Variants in DGKB observed in about 807,000 individuals in gnomAD.
DGKB encodes diacylglycerol kinase beta.
A neutral mutation model predicts 114.3 loss-of-function variants in DGKB; 67 were observed. That is an observed-to-expected ratio of 0.59 (90% CI 0.48 to 0.72). The LOEUF is 0.72. DGKB is among the 30% of genes least tolerant of loss of function. DGKB has a pLI of 0.00. For missense variants in DGKB, 907 were observed against 975.2 expected, an observed-to-expected ratio of 0.93 and a Z score of 0.93; for synonymous variants, 398 against 323.1, an observed-to-expected ratio of 1.23 and a Z score of -2.49.
intron 21 of DGKB, among the ~76,000 whole-genome samples, chr7:14,410,229 TAC>T (rs779358187): frequency 1.1e-3 from 163 of 151,538 alleles, no homozygotes; most frequent in Non-Finnish European, 2.0e-3. Context: ...TATATACATA[TAC>T]ATGCACACAT....
At chr7:14,257,002 AAAAC>A (rs1796051814) in intron 23 of DGKB, among the ~76,000 whole-genome samples, 1 of 152,194 alleles carries the variant, frequency 6.6e-6, no homozygotes, top group East Asian at 1.9e-4. Flanking sequence ...CCTATCTCTA[AAAAC>A]AAACAAAATC....
chr7:14,270,764 C>A (rs1242794740), intron 23 of DGKB, among the ~76,000 whole-genome samples: 1 of 152,146 alleles, frequency 6.6e-6, no homozygotes, highest in Non-Finnish European at 1.5e-5. Context: ...GCCTGTGAAG[C>A]CCTGTGCTGG....
At position 14,646,014 on chromosome 7, in the gene DGKB, G is replaced by A. The variant is rs76636870; in HGVS notation, c.1135-15746C>T. ...GAAAACAAATACCAATGGGTAGTTA[G>A]TCTTCACCTATCAACAACTATGAAG... On this transcript the variant is annotated intron_variant, in intron 13 of 25. Transcript: ENST00000402815. Among the ~76,000 whole-genome samples the A allele has an allele frequency of 1.1e-3, 165 of 152,286 alleles. 2 individuals carry two copies. The East Asian group carries it at 0.016, about 15-fold the overall frequency.
intron 1 of DGKB, among the ~76,000 whole-genome samples, chr7:14,896,553 T>C (rs1782131350): frequency 6.6e-6 from 1 of 151,668 alleles, no homozygotes; most frequent in Non-Finnish European, 1.5e-5. Context: ...TGATACTTTT[T>C]CTCTGAGACA....
intron 2 of DGKB, among the ~76,000 whole-genome samples, chr7:14,829,562 C>T (rs1846135844): frequency 6.6e-6 from 1 of 152,040 alleles, no homozygotes; most frequent in South Asian, 2.1e-4. Context: ...TCTAGGACAC[C>T]TGGAGTTTTA....
At chr7:14,493,973 C>T (rs1784954543) in intron 20 of DGKB, among the ~76,000 whole-genome samples, 1 of 149,202 alleles carries the variant, frequency 6.7e-6, no homozygotes, top group South Asian at 2.1e-4. Flanking sequence ...TCTATGTACA[C>T]ATCATAGCAA....
chr7:14,955,283 A>C (rs992605830), intron 1 of DGKB, among the ~76,000 whole-genome samples: 1 of 152,084 alleles, frequency 6.6e-6, no homozygotes, highest in Non-Finnish European at 1.5e-5. Context: ...AAGAAATAAA[A>C]TGTGTGTGAA....
intron 21 of DGKB, among the ~76,000 whole-genome samples, chr7:14,442,871 A>G (rs1830257719): frequency 6.6e-6 from 1 of 152,102 alleles, no homozygotes; most frequent in Non-Finnish European, 1.5e-5. Flanking sequence ...TTTTAAATCT[A>G]TAATGTACAT....
At chr7:14,181,189 C>T (rs1046189730) in intron 23 of DGKB, among the ~76,000 whole-genome samples, 7 of 152,154 alleles carry the variant, frequency 4.6e-5, no homozygotes, top group Admixed American at 1.3e-4. Flanking sequence ...TTTTGTACTA[C>T]AGAGGCACAG....
chr7:14,571,996 C>T (rs186641413), intron 20 of DGKB, among the ~76,000 whole-genome samples: 114 of 152,050 alleles, frequency 7.5e-4, no homozygotes, highest in Non-Finnish European at 3.4e-4. Context: ...CAACAAAAAA[C>T]GAGGAGATAT....
intron 9 of DGKB, among the ~76,000 whole-genome samples, chr7:14,690,752 G>C (rs139744451): frequency 1.3e-4 from 20 of 152,328 alleles, no homozygotes; most frequent in African/African-American, 4.8e-4. Context: ...CACTGGAACA[G>C]AGTTTACCTC....
At chr7:14,842,298 T>C (rs79363645) in intron 1 of DGKB, among the ~76,000 whole-genome samples, 8,104 of 152,282 alleles carry the variant, frequency 0.053, 272 homozygotes, top group Non-Finnish European at 0.078. Context: ...GTGCCTTGCC[T>C]TTCTTCAACA....
chr7:14,183,150 G>A (rs769096004), intron 23 of DGKB, among the ~76,000 whole-genome samples: 39 of 152,216 alleles, frequency 2.6e-4, no homozygotes, highest in Admixed American at 4.6e-4. Flanking sequence ...TTCCAGTGAT[G>A]TTTCATTTAT....
chr7:14,346,564 T>G (rs1161417393), intron 21 of DGKB, among the ~76,000 whole-genome samples: 1 of 151,968 alleles, frequency 6.6e-6, no homozygotes, highest in Non-Finnish European at 1.5e-5. Flanking sequence ...CCATGAATCT[T>G]TATTCTTTTC....
intron 16 of DGKB, among the ~76,000 whole-genome samples, chr7:14,608,366 A>T (rs948545984): frequency 6.6e-6 from 1 of 152,028 alleles, no homozygotes; most frequent in African/African-American, 2.4e-5. Context: ...ATGCAGAAAA[A>T]GCATTTAATA....
At chr7:14,316,546 A>C (rs1806567561) in intron 23 of DGKB, among the ~76,000 whole-genome samples, 1 of 129,498 alleles carries the variant, frequency 7.7e-6, no homozygotes, top group Non-Finnish European at 1.6e-5. Flanking sequence ...GAAATGGATA[A>C]ATTCCTTGAC....
chr7:14,323,415 T>C (rs758489750), intron 23 of DGKB, among the ~76,000 whole-genome samples: 2 of 152,148 alleles, frequency 1.3e-5, no homozygotes, highest in Non-Finnish European at 2.9e-5. Flanking sequence ...TGCACATATG[T>C]TGTAGTTTAT....
At chr7:14,393,481 T>G (rs1821748920) in intron 21 of DGKB, among the ~76,000 whole-genome samples, 1 of 152,168 alleles carries the variant, frequency 6.6e-6, no homozygotes. Flanking sequence ...TATGTAGAAA[T>G]TTATTCTTTC....
At chr7:14,955,953 A>T (rs1263467592) in intron 1 of DGKB, among the ~76,000 whole-genome samples, 1 of 152,016 alleles carries the variant, frequency 6.6e-6, no homozygotes, top group African/African-American at 2.4e-5. Flanking sequence ...TTGAAGAGGT[A>T]GGCATGAGGT....
Sources: allele counts gnomAD v4.1 joint callset (sites outside exome capture counted in the v4.1 genomes callset), GRCh38; gene constraint gnomAD v4.1.1; transcripts MANE v1.5; gene names NCBI Gene and HGNC (gene_info 2026-07-23, HGNC 2026-07-21).